The following DIS3L2 variants were observed in gnomAD, a reference collection of about 807,000 sequenced individuals.
DIS3L2 encodes DIS3 like 3'-5' exoribonuclease 2.
Under a neutral mutation model 97.5 loss-of-function variants are expected in DIS3L2, and 34 were observed. That is an observed-to-expected ratio of 0.35 (90% CI 0.27 to 0.46). DIS3L2 has a LOEUF of 0.46. DIS3L2 is among the 20% of genes least tolerant of loss of function. DIS3L2 has a pLI of 1.00. For missense variants in DIS3L2, 1,038 were observed against 1,146.0 expected, an observed-to-expected ratio of 0.91 and a Z score of 1.36; for synonymous variants, 435 against 445.2, an observed-to-expected ratio of 0.98 and a Z score of 0.29.
At chr2:232,187,662 C>T (rs1199662821) in intron 9 of DIS3L2, among the ~76,000 whole-genome samples, 5 of 151,866 alleles carry the variant, frequency 3.3e-5, no homozygotes, top group Admixed American at 1.3e-4. Flanking sequence ...AGGATGGTCT[C>T]GATCTCTTGA....
intron 13 of DIS3L2, among the ~76,000 whole-genome samples, chr2:232,282,120 A>G (rs1271550768): frequency 7.0e-6 from 1 of 142,330 alleles, no homozygotes; most frequent in Non-Finnish European, 1.5e-5. Context: ...CTGTCTTTCC[A>G]GCTGAGCCCT....
intron 6 of DIS3L2, among the ~76,000 whole-genome samples, chr2:232,090,115 TG>T (rs1696792385): frequency 6.6e-6 from 1 of 152,030 alleles, no homozygotes; most frequent in Non-Finnish European, 1.5e-5. Context: ...TTGTTGTTGT[TG>T]TTTTTTAATA....
chr2:232,026,094 G>T (rs979946308), intron 4 of DIS3L2, among the ~76,000 whole-genome samples: 4 of 152,120 alleles, frequency 2.6e-5, no homozygotes, highest in African/African-American at 9.7e-5. Context: ...TCTCTTCCCT[G>T]ATAACACAGT....
At chr2:232,145,802 G>T (rs1368816131) in intron 8 of DIS3L2, among the ~76,000 whole-genome samples, 2 of 152,042 alleles carry the variant, frequency 1.3e-5, no homozygotes, top group Admixed American at 6.6e-5. Flanking sequence ...GCATTAATTT[G>T]TTTATTTACA....
rs760247711 is a variant in DIS3L2, at chr2:232,073,453, A to G, written c.367-14034A>G. On this transcript the variant is annotated intron_variant, in intron 5 of 20. Transcript: ENST00000325385. ...TGTGAATCTTTTGGAAAAACTCCATAATACCAAGTTGATAGCAACCCCCTG... is the reference window on the plus strand; with the variant it reads ...TGTGAATCTTTTGGAAAAACTCCATGATACCAAGTTGATAGCAACCCCCTG... Among the ~76,000 whole-genome samples the G allele has an allele frequency of 5.0e-4, 76 of 152,194 alleles. 1 individual carries two copies. Among genetic ancestry groups the G allele is most frequent in the Non-Finnish European group, 9.6e-4 (65 of 68,034 alleles).
At chr2:232,227,544 G>A (rs938251835) in intron 10 of DIS3L2, among the ~76,000 whole-genome samples, 2 of 152,218 alleles carry the variant, frequency 1.3e-5, no homozygotes, top group Non-Finnish European at 2.9e-5. Flanking sequence ...CATAAATTAT[G>A]TATATAATTT....
At chr2:232,125,137 T>G (rs1308075653) in intron 6 of DIS3L2, among the ~76,000 whole-genome samples, 1 of 152,230 alleles carries the variant, frequency 6.6e-6, no homozygotes, top group Non-Finnish European at 1.5e-5. Context: ...AGCTATTTCC[T>G]ACTCAGCCTT....
At chr2:232,186,296 A>G (rs1461602831) in intron 9 of DIS3L2, among the ~76,000 whole-genome samples, 1 of 152,212 alleles carries the variant, frequency 6.6e-6, no homozygotes, top group South Asian at 2.1e-4. Flanking sequence ...TCAAGAAGTT[A>G]ATAATTCAAC....
At chr2:232,194,213 A>G (rs1418895703) in intron 9 of DIS3L2, among the ~76,000 whole-genome samples, 5 of 152,124 alleles carry the variant, frequency 3.3e-5, no homozygotes. Context: ...GCAAATATTA[A>G]TGTATATAGA....
chr2:232,253,357 G>T (rs1455024989), intron 12 of DIS3L2, among the ~76,000 whole-genome samples: 1 of 152,224 alleles, frequency 6.6e-6, no homozygotes, highest in Non-Finnish European at 1.5e-5. Context: ...CACTGCCTTA[G>T]TATTTTTATG....
chr2:232,107,755 A>G (rs1298214539), intron 6 of DIS3L2, among the ~76,000 whole-genome samples: 2 of 152,218 alleles, frequency 1.3e-5, no homozygotes, highest in African/African-American at 4.8e-5. Context: ...AATAACCATC[A>G]GAGAATACTA....
chr2:232,003,949 T>C (rs1054446852), intron 1 of DIS3L2, among the ~76,000 whole-genome samples: 1 of 152,210 alleles, frequency 6.6e-6, no homozygotes, highest in Admixed American at 6.5e-5. Context: ...TTTTCCTTTT[T>C]GGGGTTCACT....
intron 9 of DIS3L2, among the ~76,000 whole-genome samples, chr2:232,169,097 A>C (rs1165370539): frequency 1.3e-5 from 2 of 152,078 alleles, no homozygotes; most frequent in African/African-American, 4.8e-5. Context: ...GCTTGGTGCA[A>C]GTGTTTGTGA....
At position 232,158,842 on chromosome 2, in the gene DIS3L2, T is replaced by C. The variant is rs554173386; in HGVS notation, c.951-4617T>C. On this transcript the variant is annotated intron_variant, in intron 8 of 20. Transcript: ENST00000325385. ...ACTCAGATTCCATTAATTTTCAGAA[T>C]ACAAAATAATTTTTAAAATTACTAA... Among the ~76,000 whole-genome samples the C allele has an allele frequency of 6.6e-5, 10 of 152,292 alleles. No individual in the cohort carries two copies. The East Asian group carries it at 1.9e-3, about 29-fold the overall frequency.
intron 5 of DIS3L2, among the ~76,000 whole-genome samples, chr2:232,035,174 G>C (rs1257471343): frequency 6.6e-6 from 1 of 152,146 alleles, no homozygotes; most frequent in African/African-American, 2.4e-5. Context: ...TTATGAATCT[G>C]GGTGCTCCTG....
Position 232,330,792 on chromosome 2 carries a change from C to T in DIS3L2, c.2010+16C>T, listed in dbSNP as rs777027364. On this transcript the variant is annotated intron_variant, in intron 16 of 20. Transcript: ENST00000325385. ...GCCCATGCAGGTAAGGAGGGCCCAGCCCCGGCCTCCCCTGCTCCCAGGAGC... is the reference window on the plus strand; with the variant it reads ...GCCCATGCAGGTAAGGAGGGCCCAGTCCCGGCCTCCCCTGCTCCCAGGAGC... The T allele has an allele frequency of 1.4e-5, 23 of 1,605,358 alleles. No homozygotes were observed. The Admixed American group carries it at 3.7e-4, about 26-fold the overall frequency.
intron 14 of DIS3L2, chr2:232,328,518 C>G (rs1397918579): frequency 6.6e-6 from 1 of 151,398 alleles, no homozygotes; most frequent in African/African-American, 2.4e-5. Flanking sequence ...GGCTGGCTTT[C>G]TTTCCACGAG....
intron 1 of DIS3L2, among the ~76,000 whole-genome samples, chr2:231,992,014 G>T (rs1693599377): frequency 6.6e-6 from 1 of 152,178 alleles, no homozygotes; most frequent in Non-Finnish European, 1.5e-5. Flanking sequence ...TATGAGGGGA[G>T]GTATTACTTT....
At chr2:232,209,734 T>C (rs1156885369) in intron 9 of DIS3L2, among the ~76,000 whole-genome samples, 1 of 152,132 alleles carries the variant, frequency 6.6e-6, no homozygotes, top group Non-Finnish European at 1.5e-5. Context: ...TGTCTGGGAG[T>C]TTCACAGGGT....
Sources: gnomAD v4.1 joint callset for allele counts (sites outside exome capture counted in the v4.1 genomes callset) on GRCh38, gnomAD v4.1.1 for gene constraint, MANE v1.5 for transcripts, NCBI Gene and HGNC (gene_info 2026-07-23, HGNC 2026-07-21) for gene names.